Variants in CSN2 observed in about 807,000 individuals in gnomAD.
CSN2 encodes the protein beta-casein.
CSN2 carries 27 observed loss-of-function variants against 27.3 expected under a neutral mutation model. The observed-to-expected ratio is 0.99, with a 90% CI of 0.73 to 1.36. The LOEUF (loss-of-function observed/expected upper bound fraction) is 1.36. Among genes scored for constraint, CSN2 ranks in the 40% most tolerant of loss-of-function variants. The pLI, the probability that CSN2 is intolerant of heterozygous loss-of-function variation, is 0.00. For missense variants in CSN2, 333 were observed against 264.5 expected, an observed-to-expected ratio of 1.26 and a Z score of -1.80; for synonymous variants, 131 against 94.8, an observed-to-expected ratio of 1.38 and a Z score of -2.22.
At chr4:69,959,919 A>T in intron 3 of CSN2, 134 bp downstream of exon 3, 1 of 675,612 alleles carries the variant, frequency 1.5e-6, no homozygotes, top group Non-Finnish European at 2.5e-6. Flanking sequence ...GTCCTTAAAC[A>T]CACATAAAAG....
At chr4:69,960,179 CCT>C (rs1182353687) in intron 2 of CSN2, 100 bp from the exon 3 acceptor site, 3 of 1,074,486 alleles carry the variant, frequency 2.8e-6, no homozygotes, top group Middle Eastern at 2.3e-4. Context: ...AATAATCTCA[CCT>C]CAGAGGATGC....
At chr4:69,965,521 A>G (rs1723779793) in intron 1 of CSN2, among the ~76,000 whole-genome samples, 160 bp downstream of exon 1, 1 of 144,024 alleles carries the variant, frequency 6.9e-6, no homozygotes. Flanking sequence ...GGGCACTTCT[A>G]TCTTTTTTAG....
At position 69,957,429 on chromosome 4, in the gene CSN2, G is replaced by T. The variant is rs771931770; in HGVS notation, c.520C>A (p.Pro174Thr). The T allele has an allele frequency of 2.5e-6, 4 of 1,613,700 alleles. No homozygotes were observed. ...PPQPLWSVPQ[P>T]KVLPIPQQVV... ...TGCTGGGGGATAGGCAGGACTTTGG[G>T]CTGAGGAACAGACCACAGGGGCTGA... The change falls in exon 6 of 8, where the codon CCC becomes ACC. Residue 174 changes from proline (P) to threonine (T), a missense_variant. Physicochemically the swap from Pro to Thr is conservative, Grantham distance 38. Transcript: ENST00000353151.
Position 69,957,737 on chromosome 4 carries a change from G to T in CSN2, c.212C>A (p.Pro71His). Residue 71 changes from proline (P) to histidine (H), a missense_variant, in exon 6 of 8, where the codon CCT (proline) becomes CAT (histidine). By Grantham distance (77) the Pro-to-His change is moderately conservative. Transcript: ENST00000353151. ...TTGTGGAAGAAAACCATAGGGGATA[G>T]GTTCAACGAATGGATAGATCAGAGG... is the stretch of plus-strand genomic sequence containing the variant. ...PQPLIYPFVE[P>H]IPYGFLPQNI... 6.2e-7 allele frequency: 1 copy of T among 1,613,968 alleles called. No homozygotes were observed. The highest frequency in any genetic ancestry group is 8.5e-7 in the Non-Finnish European group (1 of 1,179,944).
rs755420955 is a variant in CSN2, at chr4:69,959,008, G to A, written c.99+41C>T. 6.6e-6 allele frequency: 10 copies of A among 1,517,040 alleles called. No homozygotes were observed. In the African/African-American group the frequency reaches 1.2e-4, roughly 19 times the overall value. 94.0% of individuals were successfully genotyped at this position (1,517,040 alleles called of 1,614,324 possible). A position where few individuals can be genotyped will look rare whatever the true frequency, so the allele number is the denominator to read the frequency against. ...TACCATCTGTAAAGATTAAAAGGAG[G>A]AAATTTTGAAAATGTGTACATTTTA... On this transcript the variant is annotated intron_variant, in intron 4 of 7. Coordinates refer to ENST00000353151, the MANE Select transcript of CSN2 (RefSeq NM_001891.4).
chr4:69,959,730 T>C (rs1350372509), intron 3 of CSN2, among the ~76,000 whole-genome samples: 1 of 152,024 alleles, frequency 6.6e-6, no homozygotes, highest in Non-Finnish European at 1.5e-5. Context: ...CTAGTCAATG[T>C]CTGACCCATA....
At chr4:69,961,784 A>C (rs1170259110) in intron 1 of CSN2, among the ~76,000 whole-genome samples, 1 of 152,224 alleles carries the variant, frequency 6.6e-6, no homozygotes, top group African/African-American at 2.4e-5. Flanking sequence ...GAAAAGAGGA[A>C]GTCAAATTGT....
intron 1 of CSN2, among the ~76,000 whole-genome samples, chr4:69,961,569 G>C (rs962812668): frequency 6.6e-6 from 1 of 152,106 alleles, no homozygotes; most frequent in Non-Finnish European, 1.5e-5. Flanking sequence ...TTTAGGTATT[G>C]ATGGGACATA....
At chr4:69,957,236 C>A (rs755214228) in intron 6 of CSN2, 38 bp downstream of exon 6, 2 of 1,495,850 alleles carry the variant, frequency 1.3e-6, no homozygotes, top group Non-Finnish European at 1.8e-6. Flanking sequence ...ACATACACAT[C>A]TTGAATGAAA....
chr4:69,957,379 A>C lies in CSN2; in HGVS notation c.570T>G (p.Ala190=). 6.2e-7 allele frequency: 1 copy of C among 1,613,668 alleles called. No individual in the cohort carries two copies. The change falls in exon 6 of 8, where the codon GCT becomes GCG. Residue 190 remains alanine (A), a synonymous_variant. Coordinates refer to ENST00000353151, the MANE Select transcript of CSN2 (RefSeq NM_001891.4). ...TGAGCAGAAGGGCTTGAACAGGCAC[A>C]GCTCTCTGAGGGTAGGGCACCACTT... ...PQQVVPYPQR[A]VPVQALLLNQ... is the part of the protein sequence containing the mutation.
chr4:69,959,414 A>T (rs1254738380), intron 3 of CSN2, among the ~76,000 whole-genome samples: 3 of 152,150 alleles, frequency 2.0e-5, no homozygotes, highest in Non-Finnish European at 4.4e-5. Flanking sequence ...ATACATTATG[A>T]TCACTTCAAA....
intron 2 of CSN2, among the ~76,000 whole-genome samples, chr4:69,960,585 G>A (rs527479021): frequency 6.6e-6 from 1 of 151,972 alleles, no homozygotes; most frequent in East Asian, 1.9e-4. Flanking sequence ...GCCCTAGGCT[G>A]TAAGGTATAT....
At chr4:69,961,146 T>A in intron 1 of CSN2, 139 bp from the exon 2 acceptor site, 1 of 558,164 alleles carries the variant, frequency 1.8e-6, no homozygotes, top group South Asian at 2.8e-5. Flanking sequence ...AGAAAATAAA[T>A]AGAATAAATA....
intron 6 of CSN2, 72 bp from the exon 7 acceptor site, chr4:69,956,427 T>C: frequency 1.7e-6 from 2 of 1,200,768 alleles, no homozygotes; most frequent in Non-Finnish European, 2.2e-6. Flanking sequence ...ATGTTGTAAG[T>C]AGTGAAATAA....
At chr4:69,957,891 G>T in intron 5 of CSN2, 87 bp from the exon 6 acceptor site, 1 of 1,153,046 alleles carries the variant, frequency 8.7e-7, no homozygotes, top group Non-Finnish European at 1.2e-6. Flanking sequence ...TTTAGACAAT[G>T]ATAAATGAGT....
chr4:69,960,191 C>A (rs941909265), intron 2 of CSN2, 112 bp from the exon 3 acceptor site: 192 of 927,090 alleles, frequency 2.1e-4, no homozygotes, highest in Middle Eastern at 2.6e-4. Flanking sequence ...TCAGAGGATG[C>A]ATTGGATTGT....
rs934783947 is a variant in CSN2 at position 69,956,244 on chromosome 4, G to A, written c.*36+70C>T. The A allele has an allele frequency of 3.7e-5, 41 of 1,096,938 alleles. 1 individual carries two copies. Among genetic ancestry groups the A allele is most frequent in the Non-Finnish European group, 4.2e-5 (35 of 839,238 alleles). The allele number at this position is 1,096,938 out of a possible 1,614,324, so 68.0% of individuals were successfully genotyped here. The stretch of plus-strand genomic sequence containing the variant: ...ATTTTCACTGTATTGGACTTCTCTA[G>A]GAGAATTAAATGTAAAAAGACATCA... On this transcript the variant is annotated intron_variant, in intron 7 of 7. Transcript: ENST00000353151.
At position 69,957,701 on chromosome 4, in the gene CSN2, G is replaced by C; in HGVS notation, c.248C>G (p.Pro83Arg). The part of the protein sequence containing the change: ...PYGFLPQNIL[P>R]LAQPAVVLPV... ...CAGCACCACAGCAGGCTGAGCAAGAGGCAGAATGTTTTGTGGAAGAAAACC... is the reference window on the plus strand; with the variant it reads ...CAGCACCACAGCAGGCTGAGCAAGACGCAGAATGTTTTGTGGAAGAAAACC... The change falls in exon 6 of 8, where the codon CCT (proline) becomes CGT (arginine). Residue 83 changes from proline (P) to arginine (R), a missense_variant. Transcript: ENST00000353151. 3 of 1,613,966 alleles carry C rather than the reference G, an allele frequency of 1.9e-6. No homozygotes were observed. The highest frequency in any genetic ancestry group is 2.5e-6 in the Non-Finnish European group (3 of 1,179,980).
intron 1 of CSN2, among the ~76,000 whole-genome samples, chr4:69,965,407 A>AATATAT (rs1560401536): frequency 5.0e-5 from 3 of 60,310 alleles, no homozygotes; most frequent in African/African-American, 1.5e-4. Context: ...CTAGCCTCAT[A>AATATAT]CTATATATAT....
Sources: gnomAD v4.1 joint callset for allele counts (sites outside exome capture counted in the v4.1 genomes callset) on GRCh38, gnomAD v4.1.1 for gene constraint, MANE v1.5 for transcripts, NCBI Gene and HGNC (gene_info 2026-07-23, HGNC 2026-07-21) for gene names.